The following DLG2 variants were observed in gnomAD, a reference collection of about 807,000 sequenced individuals.
DLG2 encodes the protein disks large homolog 2.
In DLG2, 45 loss-of-function variants were observed where a neutral mutation model predicts 132.5. The observed-to-expected ratio is 0.34, with a 90% CI of 0.27 to 0.44. The LOEUF (loss-of-function observed/expected upper bound fraction) is 0.44, where lower values mean the gene tolerates loss of function less well. DLG2 is among the 20% of genes least tolerant of loss of function. The pLI, the probability that DLG2 is intolerant of heterozygous loss-of-function variation, is 1.00. For synonymous variants in DLG2, 424 were observed against 419.6 expected, an observed-to-expected ratio of 1.01 and a Z score of -0.13; for missense variants, 1,045 against 1,196.9, an observed-to-expected ratio of 0.87 and a Z score of 1.87.
intron 11 of DLG2, among the ~76,000 whole-genome samples, chr11:84,053,071 T>A (rs1229568043): frequency 6.6e-6 from 1 of 152,028 alleles, no homozygotes; most frequent in Admixed American, 6.6e-5. Flanking sequence ...CACCATGGAA[T>A]ACTATGCAGC....
At chr11:84,434,840 G>A (rs1407393745) in intron 7 of DLG2, among the ~76,000 whole-genome samples, 1 of 146,530 alleles carries the variant, frequency 6.8e-6, no homozygotes, top group African/African-American at 2.5e-5. Flanking sequence ...ATACTTTTCA[G>A]TGTTAAAATA....
At chr11:84,036,147 G>T (rs745791707) in intron 11 of DLG2, among the ~76,000 whole-genome samples, 3 of 152,052 alleles carry the variant, frequency 2.0e-5, no homozygotes, top group Non-Finnish European at 2.9e-5. Flanking sequence ...AGGAGAAGAG[G>T]TTGATAGAGA....
At chr11:85,017,366 T>TTTA (rs35045347) in intron 6 of DLG2, among the ~76,000 whole-genome samples, 8 of 150,394 alleles carry the variant, frequency 5.3e-5, no homozygotes, top group Non-Finnish European at 1.5e-5. Flanking sequence ...CTTTTTTTTT[T>TTTA]ATTCCTTTCT....
At chr11:84,919,520 G>T (rs1018582947) in intron 6 of DLG2, among the ~76,000 whole-genome samples, 4 of 152,052 alleles carry the variant, frequency 2.6e-5, no homozygotes, top group Admixed American at 6.5e-5. Flanking sequence ...GTAAGTCACC[G>T]CTCAAGAGAC....
At chr11:84,116,685 C>T (rs1256619459) in intron 9 of DLG2, among the ~76,000 whole-genome samples, 3 of 152,162 alleles carry the variant, frequency 2.0e-5, no homozygotes, top group Non-Finnish European at 4.4e-5. Context: ...GGTGTGGACA[C>T]AGCCAAACCA....
At chr11:84,678,302 T>C (rs1322615477) in intron 6 of DLG2, among the ~76,000 whole-genome samples, 3 of 152,118 alleles carry the variant, frequency 2.0e-5, no homozygotes, top group African/African-American at 7.2e-5. Context: ...TCACTGGATG[T>C]TTTGCTTATC....
At chr11:84,701,436 G>GA (rs1304403958) in intron 6 of DLG2, among the ~76,000 whole-genome samples, 1 of 151,474 alleles carries the variant, frequency 6.6e-6, no homozygotes, top group South Asian at 2.1e-4. Flanking sequence ...TATTTTGAGG[G>GA]AAAATGCATG....
chr11:85,395,975 G>A (rs1364959304), intron 3 of DLG2, among the ~76,000 whole-genome samples: 1 of 152,182 alleles, frequency 6.6e-6, no homozygotes, highest in Admixed American at 6.5e-5. Context: ...GTGAGTCCCT[G>A]ACCCCTGTGT....
chr11:85,363,089 T>C (rs1237520701), intron 3 of DLG2, among the ~76,000 whole-genome samples: 1 of 152,202 alleles, frequency 6.6e-6, no homozygotes, highest in Non-Finnish European at 1.5e-5. Flanking sequence ...TGTTGTGATT[T>C]CTGGAGCAGT....
chr11:85,394,386 T>C (rs991799989), intron 3 of DLG2, among the ~76,000 whole-genome samples: 7 of 152,192 alleles, frequency 4.6e-5, no homozygotes, highest in Admixed American at 2.0e-4. Flanking sequence ...CCAATGAGCA[T>C]GGCAATAGCC....
chr11:84,978,700 C>T (rs1398622167), intron 6 of DLG2, among the ~76,000 whole-genome samples: 1 of 152,120 alleles, frequency 6.6e-6, no homozygotes, highest in East Asian at 1.9e-4. Context: ...AGACCTAAAA[C>T]CATAAAAACC....
chr11:85,445,858 A>G (rs1183240307), intron 3 of DLG2, among the ~76,000 whole-genome samples: 2 of 152,212 alleles, frequency 1.3e-5, no homozygotes, highest in East Asian at 1.9e-4. Flanking sequence ...TGATGAAACC[A>G]TTGATGGAGG....
chr11:84,796,286 TTTTAAC>T (rs2074595976), intron 6 of DLG2, among the ~76,000 whole-genome samples: 1 of 152,364 alleles, frequency 6.6e-6, no homozygotes, highest in African/African-American at 2.4e-5. Context: ...AAATGGATCA[TTTTAAC>T]TTTGTCTCCC....
chr11:85,041,484 G>A (rs2061862422), intron 6 of DLG2, among the ~76,000 whole-genome samples: 1 of 151,930 alleles, frequency 6.6e-6, no homozygotes, highest in African/African-American at 2.4e-5. Flanking sequence ...TAGAGTTGTT[G>A]TGAGGATTAA....
intron 18 of DLG2, among the ~76,000 whole-genome samples, chr11:83,745,665 G>A (rs1213533934): frequency 1.3e-5 from 2 of 152,004 alleles, no homozygotes; most frequent in Non-Finnish European, 2.9e-5. Context: ...AGCCTGGCGT[G>A]GTGGCATGCA....
chr11:83,624,164 G>C (rs946627204), intron 19 of DLG2, among the ~76,000 whole-genome samples: 2 of 152,100 alleles, frequency 1.3e-5, no homozygotes, highest in Non-Finnish European at 2.9e-5. Flanking sequence ...GCTCAGAAGA[G>C]GTTTTCTGGA....
intron 19 of DLG2, among the ~76,000 whole-genome samples, chr11:83,545,305 G>A (rs1289266118): frequency 6.6e-6 from 1 of 152,128 alleles, no homozygotes; most frequent in Non-Finnish European, 1.5e-5. Context: ...AATAATATAT[G>A]TAAAGTATTG....
rs76114219 is a variant in DLG2 at position 85,315,100 on chromosome 11, C to T, written c.41-29735G>A. Among the ~76,000 whole-genome samples, 505 of 151,998 alleles carry T rather than the reference C, an allele frequency of 3.3e-3. 8 individuals are homozygous for T. In the East Asian group the frequency reaches 0.058, roughly 17 times the overall value. Reference sequence around the variant, plus strand: ...GAGGGATTAGAGCACATATAAAAAACGCCTGTCATAAAATAAGATTCCAGC... The same window carrying T: ...GAGGGATTAGAGCACATATAAAAAATGCCTGTCATAAAATAAGATTCCAGC... On this transcript the variant is annotated intron_variant, in intron 3 of 27. Coordinates refer to ENST00000376104, the MANE Select transcript of DLG2 (RefSeq NM_001142699.3).
chr11:83,700,405 C>T (rs2082721150), intron 18 of DLG2, among the ~76,000 whole-genome samples: 1 of 152,134 alleles, frequency 6.6e-6, no homozygotes, highest in Admixed American at 6.5e-5. Flanking sequence ...CTTCTGGTAT[C>T]TTCCTAGGTC....
Sources: allele counts gnomAD v4.1 joint callset (sites outside exome capture counted in the v4.1 genomes callset), GRCh38; gene constraint gnomAD v4.1.1; transcripts MANE v1.5; gene names NCBI Gene and HGNC (gene_info 2026-07-23, HGNC 2026-07-21).